Variants in GRM7 observed in about 807,000 individuals in gnomAD.
GRM7 encodes the protein metabotropic glutamate receptor 7.
A neutral mutation model predicts 84.5 loss-of-function variants in GRM7; 35 were observed. The ratio of observed to expected loss-of-function variants is 0.41; its 90% CI spans 0.32 to 0.55. GRM7 has a LOEUF of 0.55. GRM7 is among the 20% of genes least tolerant of loss of function. The pLI is 0.19. For missense variants in GRM7, 1,003 were observed against 1,194.6 expected (o/e 0.84, Z 2.36); for synonymous variants, 487 against 455.1 (o/e 1.07, Z -0.89).
chr3:7,124,325 C>T (rs373047953), intron 1 of GRM7, among the ~76,000 whole-genome samples: 1 of 152,108 alleles, frequency 6.6e-6, no homozygotes, highest in Non-Finnish European at 1.5e-5. Flanking sequence ...GTCCTTTTAT[C>T]TCACAGAGTA....
intron 1 of GRM7, among the ~76,000 whole-genome samples, chr3:7,103,764 TTC>T (rs374304006): frequency 9.6e-6 from 1 of 104,160 alleles, no homozygotes; most frequent in African/African-American, 4.1e-5. Context: ...CTTTCTTTCT[TTC>T]TTTCTTTCTT....
chr3:7,391,872 G>C (rs965834117), intron 4 of GRM7, among the ~76,000 whole-genome samples: 2 of 151,928 alleles, frequency 1.3e-5, no homozygotes, highest in Non-Finnish European at 2.9e-5. Flanking sequence ...GGAGCCTCTC[G>C]AGAAGCTGGA....
chr3:7,395,065 C>T lies in GRM7; in HGVS notation c.1034-19958C>T, dbSNP rs185730651. Among the ~76,000 whole-genome samples the T allele has an allele frequency of 6.0e-5, 9 of 151,224 alleles. No individual in the cohort carries two copies. In the East Asian group the frequency reaches 1.2e-3, roughly 20 times the overall value. ...AAAAAAAAAAAAAAAAAGTTATAAG[C>T]GTATCTTATAACTTACAAATTATAG... On this transcript the variant is annotated intron_variant, in intron 4 of 9. Coordinates refer to ENST00000357716, the MANE Select transcript of GRM7 (RefSeq NM_000844.4).
chr3:7,193,566 G>A (rs1342793680), intron 2 of GRM7, among the ~76,000 whole-genome samples: 1 of 151,924 alleles, frequency 6.6e-6, no homozygotes, highest in Non-Finnish European at 1.5e-5. Context: ...ATAATAAATA[G>A]TAATCATTAA....
At chr3:7,334,409 A>G (rs936179314) in intron 4 of GRM7, among the ~76,000 whole-genome samples, 1 of 152,132 alleles carries the variant, frequency 6.6e-6, no homozygotes, top group Non-Finnish European at 1.5e-5. Flanking sequence ...AAGGGTTCTA[A>G]ATCTTAAAAT....
intron 8 of GRM7, among the ~76,000 whole-genome samples, chr3:7,676,377 A>G (rs918681607): frequency 2.6e-5 from 4 of 152,188 alleles, no homozygotes; most frequent in Admixed American, 2.0e-4. Flanking sequence ...CTTCATACCT[A>G]CATATAGTCA....
intron 8 of GRM7, among the ~76,000 whole-genome samples, chr3:7,645,477 T>G (rs1698585189): frequency 7.2e-6 from 1 of 138,586 alleles, no homozygotes; most frequent in Non-Finnish European, 1.5e-5. Context: ...AACCCAGGAG[T>G]CAGAGGTTGC....
chr3:7,090,787 A>C (rs1272413641), intron 1 of GRM7, among the ~76,000 whole-genome samples: 3 of 150,830 alleles, frequency 2.0e-5, no homozygotes, highest in Non-Finnish European at 4.4e-5. Flanking sequence ...AAAATTTAGA[A>C]AGGGATCCTC....
chr3:7,705,958 T>C (rs1701373269), intron 9 of GRM7, among the ~76,000 whole-genome samples: 3 of 152,174 alleles, frequency 2.0e-5, no homozygotes, highest in South Asian at 4.1e-4. Flanking sequence ...AAATATTTCA[T>C]AAGTTGAGGT....
At chr3:7,523,837 A>C (rs1178093344) in intron 7 of GRM7, among the ~76,000 whole-genome samples, 1 of 152,146 alleles carries the variant, frequency 6.6e-6, no homozygotes, top group Non-Finnish European at 1.5e-5. Flanking sequence ...GAGAAGAAGG[A>C]TTCCAGGAAA....
At chr3:7,250,681 A>T (rs1037997835) in intron 2 of GRM7, among the ~76,000 whole-genome samples, 3 of 151,876 alleles carry the variant, frequency 2.0e-5, no homozygotes, top group African/African-American at 7.3e-5. Context: ...CCACCACCAC[A>T]TCTAGCTAAT....
At chr3:6,919,355 T>C (rs112626184) in intron 1 of GRM7, among the ~76,000 whole-genome samples, 30,242 of 145,502 alleles carry the variant, frequency 0.21, 3,428 homozygotes, top group Non-Finnish European at 0.26. Flanking sequence ...CCCACCACCA[T>C]GCCTGGCTAA....
At chr3:7,142,145 C>T (rs150428673) in intron 1 of GRM7, among the ~76,000 whole-genome samples, 1,769 of 151,664 alleles carry the variant, frequency 0.012, 28 homozygotes, top group Non-Finnish European at 0.016. Flanking sequence ...AATATTCATA[C>T]AGCAGAATAT....
chr3:7,474,601 A>C (rs1452772618), intron 7 of GRM7, among the ~76,000 whole-genome samples: 5 of 152,170 alleles, frequency 3.3e-5, no homozygotes, highest in African/African-American at 1.2e-4. Context: ...TGTACAGCTA[A>C]CTTCCCTTTG....
At chr3:7,310,156 C>G (rs1376552519) in intron 4 of GRM7, among the ~76,000 whole-genome samples, 1 of 152,138 alleles carries the variant, frequency 6.6e-6, no homozygotes. Context: ...GGTCATGGAC[C>G]AGCATAATTT....
At chr3:7,182,897 T>TTTG (rs1695387947) in intron 2 of GRM7, among the ~76,000 whole-genome samples, 1 of 43,870 alleles carries the variant, frequency 2.3e-5, no homozygotes, top group Non-Finnish European at 4.5e-5. Flanking sequence ...CGTGAAAGTG[T>TTTG]TTTTTTTTTT....
At chr3:6,988,953 T>A (rs887054849) in intron 1 of GRM7, among the ~76,000 whole-genome samples, 2 of 152,072 alleles carry the variant, frequency 1.3e-5, no homozygotes, top group African/African-American at 4.8e-5. Context: ...GTCAAAAAAA[T>A]AAATAAATAA....
intron 1 of GRM7, among the ~76,000 whole-genome samples, chr3:6,927,856 A>T (rs1450049299): frequency 6.6e-6 from 1 of 152,158 alleles, no homozygotes; most frequent in African/African-American, 2.4e-5. Flanking sequence ...ATAATCTCCT[A>T]TTATTCGGCA....
At chr3:7,416,837 T>C (rs966155858) in intron 5 of GRM7, among the ~76,000 whole-genome samples, 3 of 152,056 alleles carry the variant, frequency 2.0e-5, no homozygotes, top group African/African-American at 7.2e-5. Context: ...CTGAAAAAAA[T>C]TAGCTTGACA....
Sources: gnomAD v4.1 joint callset for allele counts (sites outside exome capture counted in the v4.1 genomes callset) on GRCh38, gnomAD v4.1.1 for gene constraint, MANE v1.5 for transcripts, NCBI Gene and HGNC (gene_info 2026-07-23, HGNC 2026-07-21) for gene names.